SCN1A: variants seen among roughly 807,000 people sequenced by gnomAD.
SCN1A encodes the protein sodium channel protein type 1 subunit alpha.
In SCN1A, 13 loss-of-function variants were observed where a neutral mutation model predicts 193.7. The ratio of observed to expected loss-of-function variants is 0.07; its 90% CI spans 0.04 to 0.11. The LOEUF is 0.11. Among genes scored for constraint, SCN1A ranks in the 10% least tolerant of loss-of-function variants. The pLI is 1.00. For synonymous variants in SCN1A, 781 were observed against 843.6 expected, an observed-to-expected ratio of 0.93 and a Z score of 1.29; for missense variants, 1,432 against 2,451.1, an observed-to-expected ratio of 0.58 and a Z score of 8.78.
chr2:166,011,710 T>C (rs1246605417), intron 22 of SCN1A, among the ~76,000 whole-genome samples: 1 of 151,080 alleles, frequency 6.6e-6, no homozygotes, highest in African/African-American at 2.4e-5. Context: ...GGTCAAGAGT[T>C]TGGGGCCAAG....
chr2:165,987,785 A>T lies in SCN1A; in HGVS notation c.*3460T>A, dbSNP rs1267315665. The T allele has an allele frequency of 1.3e-5, 2 of 152,188 alleles. No homozygotes were observed. Among genetic ancestry groups the T allele is most frequent in the African/African-American group, 4.8e-5 (2 of 41,448 alleles). The allele number at this position is 152,188 out of a possible 1,614,324, so 9.4% of individuals were successfully genotyped here. On this transcript the variant is annotated 3_prime_UTR_variant, in exon 29 of 29. Transcript: ENST00000674923. ...TTTCAAAATGAATATGGAGATTTAT[A>T]TGATTATGTTTTACCAGTTCTTCTC...
Position 166,135,520 on chromosome 2 carries a change from T to C in SCN1A, c.-50+13527A>G, listed in dbSNP as rs368400484. On this transcript the variant is annotated intron_variant, in intron 1 of 26. Transcript: ENST00000635750. ...TCGCTAGAATTAGGTGCTACCATAT[T>C]TCTTGGGGAAATTAACATTTTTGAC... Among the ~76,000 whole-genome samples the C allele has an allele frequency of 3.9e-5, 6 of 152,322 alleles. No individual in the cohort carries two copies. The East Asian group carries it at 1.2e-3, about 29-fold the overall frequency.
intron 22 of SCN1A, among the ~76,000 whole-genome samples, chr2:166,011,696 TG>T (rs1275412676): frequency 6.6e-6 from 1 of 151,122 alleles, no homozygotes; most frequent in East Asian, 2.0e-4. Flanking sequence ...CTGTACAAGT[TG>T]GGGGTCAAGA....
chr2:166,099,249 A>C (rs1386073471), intron 2 of SCN1A, among the ~76,000 whole-genome samples: 1 of 151,776 alleles, frequency 6.6e-6, no homozygotes, highest in African/African-American at 2.4e-5. Context: ...AAACAGAGCC[A>C]AAGACAAAAA....
At chr2:166,071,978 C>G (rs1336027845) in intron 4 of SCN1A, 1 of 151,920 alleles carries the variant, frequency 6.6e-6, no homozygotes, top group Admixed American at 6.6e-5. Flanking sequence ...TAAGGCTAGT[C>G]AACCTTTTGT....
chr2:166,134,505 G>A (rs1691779111), intron 1 of SCN1A, among the ~76,000 whole-genome samples: 1 of 152,160 alleles, frequency 6.6e-6, no homozygotes, highest in Non-Finnish European at 1.5e-5. Flanking sequence ...TTTTAGCAAA[G>A]AATAAAGAAA....
intron 2 of SCN1A, among the ~76,000 whole-genome samples, chr2:166,079,933 A>T (rs531611449): frequency 6.6e-6 from 1 of 151,466 alleles, no homozygotes; most frequent in Non-Finnish European, 1.5e-5. Flanking sequence ...GCTACCTAAA[A>T]ATAAATTATG....
chr2:166,017,246 G>T (rs1165439044), intron 19 of SCN1A, among the ~76,000 whole-genome samples: 6 of 151,840 alleles, frequency 4.0e-5, no homozygotes, highest in Admixed American at 3.9e-4. Flanking sequence ...TGTTCAACAT[G>T]ATAGACAGTA....
chr2:166,137,483 T>C (rs1315597932), intron 1 of SCN1A: 1 of 152,218 alleles, frequency 6.6e-6, no homozygotes, highest in African/African-American at 2.4e-5. Flanking sequence ...GTTGTTCTCA[T>C]GATAGTGCAT....
upstream of SCN1A, among the ~76,000 whole-genome samples, chr2:166,131,342 A>G (rs1020367300): frequency 2.0e-5 from 3 of 151,884 alleles, no homozygotes; most frequent in Non-Finnish European, 4.4e-5. Flanking sequence ...CAAGGAAAAG[A>G]GAATGAAGGC....
At chr2:166,145,503 G>C (rs1692284913) in intron 1 of SCN1A, among the ~76,000 whole-genome samples, 2 of 148,090 alleles carry the variant, frequency 1.4e-5, no homozygotes, top group Non-Finnish European at 3.0e-5. Flanking sequence ...ATATTGAAAA[G>C]AATCTTTAAC....
intron 5 of SCN1A, among the ~76,000 whole-genome samples, chr2:166,058,256 A>C (rs1699316235): frequency 6.6e-6 from 1 of 152,098 alleles, no homozygotes; most frequent in African/African-American, 2.4e-5. Flanking sequence ...ACTTTGTATA[A>C]AGATGGTAGA....
intron 2 of SCN1A, among the ~76,000 whole-genome samples, chr2:166,119,088 G>A (rs1009006034): frequency 1.3e-5 from 2 of 152,154 alleles, no homozygotes; most frequent in African/African-American, 2.4e-5. Context: ...GACAGGAGGC[G>A]GAGCTCAGGC....
chr2:166,008,890 ATAAAC>A (rs1692027572), intron 23 of SCN1A, among the ~76,000 whole-genome samples: 1 of 150,922 alleles, frequency 6.6e-6, no homozygotes, highest in African/African-American at 2.4e-5. Flanking sequence ...TTATATATCT[ATAAAC>A]TAATGCTTCA....
intron 4 of SCN1A, among the ~76,000 whole-genome samples, chr2:166,070,011 A>T (rs1684251591): frequency 6.6e-6 from 1 of 152,234 alleles, no homozygotes; most frequent in African/African-American, 2.4e-5. Context: ...TCGAATATTG[A>T]AAGAAATATT....
intron 1 of SCN1A, among the ~76,000 whole-genome samples, chr2:166,148,393 T>A (rs1325759206): frequency 6.6e-6 from 1 of 152,088 alleles, no homozygotes. Context: ...CGCTATATTG[T>A]TTCTACTTTT....
At chr2:166,076,854 A>C (rs1041046374) in intron 3 of SCN1A, among the ~76,000 whole-genome samples, 5 of 151,726 alleles carry the variant, frequency 3.3e-5, no homozygotes, top group African/African-American at 9.7e-5. Context: ...AAAAAAATGA[A>C]CCTAGACCTT....
At chr2:166,016,869 TA>T (rs1693381326) in intron 19 of SCN1A, among the ~76,000 whole-genome samples, 1 of 151,768 alleles carries the variant, frequency 6.6e-6, no homozygotes, top group South Asian at 2.1e-4. Flanking sequence ...CACGATATTG[TA>T]AATAGTAAAA....
intron 7 of SCN1A, among the ~76,000 whole-genome samples, chr2:166,053,480 C>G (rs977265262): frequency 6.6e-6 from 1 of 151,956 alleles, no homozygotes; most frequent in African/African-American, 2.4e-5. Context: ...TGCCTTACTG[C>G]TTTTATATAT....
Sources: gnomAD v4.1 joint callset for allele counts (sites outside exome capture counted in the v4.1 genomes callset) on GRCh38, gnomAD v4.1.1 for gene constraint, MANE v1.5 for transcripts, NCBI Gene and HGNC (gene_info 2026-07-23, HGNC 2026-07-21) for gene names.